Variants in ANKRD24 observed in about 807,000 individuals in gnomAD.
The protein encoded by ANKRD24 is ankyrin repeat domain 24.
Under a neutral mutation model 127.8 loss-of-function variants are expected in ANKRD24, and 109 were observed. The ratio of observed to expected loss-of-function variants is 0.85; its 90% CI spans 0.73 to 1.00. ANKRD24 has a LOEUF of 1.00. ANKRD24 is among the 50% of genes least tolerant of loss of function. The pLI, the probability that ANKRD24 is intolerant of heterozygous loss-of-function variation, is 0.00. For missense variants in ANKRD24, 1,648 were observed against 1,570.2 expected (o/e 1.05, Z -0.84); for synonymous variants, 743 against 671.1 (o/e 1.11, Z -1.66).
At chr19:4,208,907 C>A in intron 11 of ANKRD24, 106 bp downstream of exon 11, 1 of 1,278,066 alleles carries the variant, frequency 7.8e-7, no homozygotes, top group Non-Finnish European at 1.1e-6. Flanking sequence ...CCTGGGAAAA[C>A]CTGTTTGGAA....
intron 7 of ANKRD24, among the ~76,000 whole-genome samples, chr19:4,204,685 T>C (rs1174952240): frequency 2.6e-5 from 4 of 152,220 alleles, no homozygotes; most frequent in Non-Finnish European, 5.9e-5. Flanking sequence ...CGCTGACGAC[T>C]CAAGAAACAT....
intron 2 of ANKRD24, among the ~76,000 whole-genome samples, chr19:4,188,224 C>T (rs1455804066): frequency 6.6e-6 from 1 of 151,270 alleles, no homozygotes; most frequent in African/African-American, 2.4e-5. Context: ...ATTACAGGCA[C>T]GCACCACCAT....
At chr19:4,188,121 A>G (rs1267150331) in intron 2 of ANKRD24, among the ~76,000 whole-genome samples, 2 of 152,114 alleles carry the variant, frequency 1.3e-5, no homozygotes, top group East Asian at 3.8e-4. Flanking sequence ...CTTGTCGCCC[A>G]GGCTGGAGTG....
intron 19 of ANKRD24, 99 bp downstream of exon 19, chr19:4,219,857 C>G: frequency 7.5e-7 from 1 of 1,333,300 alleles, no homozygotes; most frequent in Non-Finnish European, 9.9e-7. Context: ...CTTGGAAAAT[C>G]AACCCATTTT....
intron 2 of ANKRD24, among the ~76,000 whole-genome samples, chr19:4,193,958 A>G (rs1307594299): frequency 6.6e-6 from 1 of 151,192 alleles, no homozygotes; most frequent in Non-Finnish European, 1.5e-5. Flanking sequence ...GGGTTAGCAA[A>G]TTTTTTCTTA....
In ANKRD24 at chr19:4,218,175, T is replaced by TGGTCACCACCCGGGCC; in HGVS notation, c.3003+13_3003+28dup. The TGGTCACCACCCGGGCC allele has an allele frequency of 1.4e-6, 2 of 1,458,918 alleles. No homozygotes were observed. Among genetic ancestry groups the TGGTCACCACCCGGGCC allele is most frequent in the South Asian group, 2.8e-5 (2 of 71,504 alleles). The allele number at this position is 1,458,918 out of a possible 1,614,324, so 90.4% of individuals were successfully genotyped here. A position where few individuals can be genotyped will look rare whatever the true frequency, so the allele number is the denominator to read the frequency against. ...CAGAGGTCTTCCAGGTGAGCAGGGC[T>TGGTCACCACCCGGGCC]GGTCACCACCCGGGCCCCACCCCCA... On this transcript the variant is annotated intron_variant, in intron 18 of 21. Coordinates refer to ENST00000318934, the MANE Select transcript of ANKRD24 (RefSeq NM_001393985.1).
At chr19:4,223,897 C>T (rs994406254) in intron 20 of ANKRD24, among the ~76,000 whole-genome samples, 6 of 151,912 alleles carry the variant, frequency 3.9e-5, no homozygotes, top group African/African-American at 1.5e-4. Context: ...CGGGATTTTA[C>T]CATGTTGGTC....
At position 4,216,956 on chromosome 19, in the gene ANKRD24, C is replaced by A; in HGVS notation, c.1796C>A (p.Thr599Lys). ...AEATGAKVTE[T>K]KPTGAEVREM... ...GCCACAGGAGCCAAGGTCACAGAAA[C>A]AAAACCCACAGGGGCTGAGGTCAGA... Residue 599 changes from threonine (T) to lysine (K), a missense_variant, in exon 18 of 22, where the codon ACA becomes AAA. Transcript: ENST00000318934. 1 of 1,612,110 alleles carries A rather than the reference C, an allele frequency of 6.2e-7. No homozygotes were observed. Among genetic ancestry groups the A allele is most frequent in the Non-Finnish European group, 8.5e-7 (1 of 1,179,180 alleles).
rs1970218842 is a variant in ANKRD24 at position 4,217,996 on chromosome 19, G to A, written c.2836G>A (p.Glu946Lys). ...LEQEVVATGK[E>K]AARLRAELER... ...GCAGGAGGTGGTGGCCACGGGCAAG[G>A]AGGCCGCCCGGCTGCGCGCGGAGCT... The change falls in exon 18 of 22, where the codon GAG becomes AAG. Residue 946 changes from glutamate (E) to lysine (K), a missense_variant. Coordinates refer to ENST00000318934, the MANE Select transcript of ANKRD24 (RefSeq NM_001393985.1). 1.3e-6 allele frequency: 2 copies of A among 1,532,436 alleles called. No homozygotes were observed. The highest frequency in any genetic ancestry group is 1.4e-5 in the African/African-American group (1 of 70,580). 94.9% of individuals were successfully genotyped at this position (1,532,436 alleles called of 1,614,324 possible).
chr19:4,199,812 C>CAG lies in ANKRD24; in HGVS notation c.123+43_123+44insAG, dbSNP rs112892199. The CAG allele has an allele frequency of 2.3e-3, 3,562 of 1,532,970 alleles. 7 individuals are homozygous for CAG. Among genetic ancestry groups the CAG allele is most frequent in the Non-Finnish European group, 2.8e-3 (3,225 of 1,138,174 alleles). The allele number at this position is 1,532,970 out of a possible 1,614,324, so 95.0% of individuals were successfully genotyped here. A position where few individuals can be genotyped will look rare whatever the true frequency, so the allele number is the denominator to read the frequency against. ...GGTGGTGAGAGCCCGGAGCCCCTGT[C>CAG]GGGGGCGTGGGGAGGGGACAGCAGC... On this transcript the variant is annotated intron_variant, in intron 3 of 21. Coordinates refer to ENST00000318934, the MANE Select transcript of ANKRD24 (RefSeq NM_001393985.1). This position sits in a 1 kb window ranked among gnomAD's most constrained non-coding sequence, Gnocchi z 5.2.
intron 5 of ANKRD24, 54 bp from the exon 6 acceptor site, chr19:4,201,972 G>T: frequency 6.6e-7 from 1 of 1,510,744 alleles, no homozygotes; most frequent in Non-Finnish European, 9.2e-7. Context: ...TTGGGGAGCA[G>T]CTGGGAGCTA....
In ANKRD24 at chr19:4,199,812, C is replaced by T. The variant is rs564055674; in HGVS notation, c.123+43C>T. Reference sequence around the variant, plus strand: ...GGTGGTGAGAGCCCGGAGCCCCTGTCGGGGGCGTGGGGAGGGGACAGCAGC... The same window carrying T: ...GGTGGTGAGAGCCCGGAGCCCCTGTTGGGGGCGTGGGGAGGGGACAGCAGC... On this transcript the variant is annotated intron_variant, in intron 3 of 21. Transcript: ENST00000318934. This position sits in a 1 kb window ranked among gnomAD's most constrained non-coding sequence, Gnocchi z 5.2. 18 of 1,533,090 alleles carry T rather than the reference C, an allele frequency of 1.2e-5. No individual in the cohort carries two copies. The highest frequency in any genetic ancestry group is 3.6e-5 in the South Asian group (3 of 83,302). The allele number at this position is 1,533,090 out of a possible 1,614,324, so 95.0% of individuals were successfully genotyped here.
chr19:4,224,703 TCAGTCTGGACCCGGG>T lies in ANKRD24; in HGVS notation c.*200_*214del. The T allele has an allele frequency of 1.6e-6, 1 of 614,222 alleles. No individual in the cohort carries two copies. The highest frequency in any genetic ancestry group is 1.9e-5 in the South Asian group (1 of 52,964). 38.0% of individuals were successfully genotyped at this position (614,222 alleles called of 1,614,324 possible). A position where few individuals can be genotyped will look rare whatever the true frequency, so the allele number is the denominator to read the frequency against. On this transcript the variant is annotated 3_prime_UTR_variant, in exon 22 of 22. Transcript: ENST00000318934. ...CCTGGTCTCTGCACGCACACACTGGTCAGTCTGGACCCGGGCCGTGACTGCCCCTCCCCCACCACC... is the reference window on the plus strand; with the variant it reads ...CCTGGTCTCTGCACGCACACACTGGTCCGTGACTGCCCCTCCCCCACCACC...
intron 2 of ANKRD24, among the ~76,000 whole-genome samples, chr19:4,192,174 A>T (rs983201521): frequency 1.3e-5 from 2 of 151,840 alleles, no homozygotes; most frequent in East Asian, 3.9e-4. Flanking sequence ...CAGTGTTTCC[A>T]TCCATAAAAT....
In ANKRD24 at chr19:4,217,562, G is replaced by A. The variant is rs1970180890; in HGVS notation, c.2402G>A (p.Arg801Gln). The change falls in exon 18 of 22, where the codon CGG (arginine) becomes CAG (glutamine). Residue 801 changes from arginine (R) to glutamine (Q), a missense_variant. By Grantham distance (43) the Arg-to-Gln change is conservative. Transcript: ENST00000318934. Reference sequence around the variant, plus strand: ...CAGGCCCGGGAGGACCTCCGAGACCGGGACTCCCGCCTGCGGGAGCTGGAG... The same window carrying A: ...CAGGCCCGGGAGGACCTCCGAGACCAGGACTCCCGCCTGCGGGAGCTGGAG... ...LEQAREDLRDRDSRLRELEAA... is the reference protein window; with the variant it reads ...LEQAREDLRDQDSRLRELEAA... 3.0e-6 allele frequency: 4 copies of A among 1,314,410 alleles called. No individual in the cohort carries two copies. In the African/African-American group the frequency reaches 4.7e-5, roughly 15 times the overall value. 81.4% of individuals were successfully genotyped at this position (1,314,410 alleles called of 1,614,324 possible). A position where few individuals can be genotyped will look rare whatever the true frequency, so the allele number is the denominator to read the frequency against.
chr19:4,191,996 C>T (rs991699022), intron 2 of ANKRD24, among the ~76,000 whole-genome samples: 3 of 150,482 alleles, frequency 2.0e-5, no homozygotes, highest in Admixed American at 6.6e-5. Flanking sequence ...GCCATGTTGG[C>T]CAGGCTGGTC....
At chr19:4,194,571 TGGGCA>T (rs2145246772) in intron 2 of ANKRD24, among the ~76,000 whole-genome samples, 2 of 152,270 alleles carry the variant, frequency 1.3e-5, no homozygotes, top group Admixed American at 1.3e-4. Flanking sequence ...AAACAGGCAG[TGGGCA>T]GGATCTGGGC....
intron 1 of ANKRD24, among the ~76,000 whole-genome samples, chr19:4,185,138 G>A (rs1967990401): frequency 6.6e-6 from 1 of 151,712 alleles, no homozygotes; most frequent in Non-Finnish European, 1.5e-5. Context: ...ATGGATGGGT[G>A]GTTGGGTGGA....
At chr19:4,190,924 C>G (rs1321088764) in intron 2 of ANKRD24, among the ~76,000 whole-genome samples, 1 of 152,122 alleles carries the variant, frequency 6.6e-6, no homozygotes, top group African/African-American at 2.4e-5. Context: ...GTAAATCTTT[C>G]AAGAAGTGTG....
Sources: gnomAD v4.1 joint callset for allele counts (sites outside exome capture counted in the v4.1 genomes callset) on GRCh38, gnomAD v4.1.1 for gene constraint, Gnocchi (gnomAD v3.1) non-coding constraint, MANE v1.5 for transcripts, NCBI Gene and HGNC (gene_info 2026-07-23, HGNC 2026-07-21) for gene names.